NMBR: variants seen among roughly 807,000 people sequenced by gnomAD.
NMBR encodes neuromedin B receptor.
Under a neutral mutation model 20.5 loss-of-function variants are expected in NMBR, and 16 were observed. The ratio of observed to expected loss-of-function variants is 0.78; its 90% CI spans 0.53 to 1.19. NMBR has a LOEUF of 1.19. NMBR is among the 50% of genes most tolerant of loss of function. The probability of loss-of-function intolerance (pLI) is 0.00; values close to 1 mark genes in which losing one functional copy is unlikely to be tolerated. For synonymous variants in NMBR, 212 were observed against 196.6 expected, an observed-to-expected ratio of 1.08 and a Z score of -0.65; for missense variants, 582 against 499.1, an observed-to-expected ratio of 1.17 and a Z score of -1.58.
chr6:142,118,687 C>T (rs367905036), intron 1 of NMBR, among the ~76,000 whole-genome samples: 43 of 151,988 alleles, frequency 2.8e-4, no homozygotes, highest in South Asian at 2.1e-4. Context: ...CTTGTTAAGA[C>T]GATAGAAGGT....
intron 1 of NMBR, among the ~76,000 whole-genome samples, chr6:142,133,484 A>G (rs1429164096): frequency 1.3e-5 from 2 of 152,216 alleles, no homozygotes; most frequent in Non-Finnish European, 2.9e-5. Flanking sequence ...TTGTTAAGAT[A>G]GTGTACGGAC....
chr6:142,107,519 T>G (rs1777682852), intron 1 of NMBR, among the ~76,000 whole-genome samples: 1 of 152,194 alleles, frequency 6.6e-6, no homozygotes, highest in South Asian at 2.1e-4. Context: ...GGCTTCACCC[T>G]CTGAGTAGTG....
intron 1 of NMBR, among the ~76,000 whole-genome samples, chr6:142,103,854 C>A (rs1266691682): frequency 6.6e-6 from 1 of 152,108 alleles, no homozygotes; most frequent in Admixed American, 6.6e-5. Context: ...ATTAATCAAT[C>A]TTTTCATTAA....
intron 1 of NMBR, among the ~76,000 whole-genome samples, chr6:142,109,476 CTTTTT>C (rs77684305): frequency 1.8e-5 from 2 of 108,292 alleles, no homozygotes; most frequent in Admixed American, 9.6e-5. Flanking sequence ...TTGGGTATGT[CTTTTT>C]TTTTTTTTTT....
chr6:142,086,822 G>A (rs529350352), intron 2 of NMBR, among the ~76,000 whole-genome samples: 1 of 152,124 alleles, frequency 6.6e-6, no homozygotes, highest in Non-Finnish European at 1.5e-5. Flanking sequence ...CCAACCCTGG[G>A]TCTTGCTACC....
At chr6:142,141,034 T>C (rs975425155) in intron 1 of NMBR, among the ~76,000 whole-genome samples, 1 of 152,076 alleles carries the variant, frequency 6.6e-6, no homozygotes, top group Admixed American at 6.6e-5. Context: ...AAATAGAATA[T>C]CAAAAAGGAT....
At chr6:142,139,027 T>G (rs1778319832) in intron 1 of NMBR, among the ~76,000 whole-genome samples, 1 of 152,216 alleles carries the variant, frequency 6.6e-6, no homozygotes, top group Non-Finnish European at 1.5e-5. Context: ...TTGGAAATAC[T>G]ATCCTTTCAC....
intron 2 of NMBR, among the ~76,000 whole-genome samples, chr6:142,080,859 AG>A (rs1447856366): frequency 4.6e-5 from 7 of 152,286 alleles, no homozygotes; most frequent in African/African-American, 1.7e-4. Context: ...AAAACCACAA[AG>A]GGTATTCTGA....
intron 1 of NMBR, among the ~76,000 whole-genome samples, chr6:142,115,630 C>T (rs567544163): frequency 1.1e-3 from 165 of 152,072 alleles, no homozygotes; most frequent in African/African-American, 3.8e-3. Context: ...CTGAACTACA[C>T]TAGTGTAGAA....
chr6:142,086,184 C>A (rs564288855), intron 2 of NMBR, among the ~76,000 whole-genome samples: 2 of 151,984 alleles, frequency 1.3e-5, no homozygotes, highest in African/African-American at 4.8e-5. Context: ...CATGTTGGCA[C>A]CATCAGTGGC....
At chr6:142,106,956 A>T (rs1307088591) in intron 1 of NMBR, among the ~76,000 whole-genome samples, 2 of 152,212 alleles carry the variant, frequency 1.3e-5, no homozygotes, top group East Asian at 3.8e-4. Context: ...ATAGAAGTAA[A>T]TTTCTTTTAC....
At chr6:142,145,622 G>T (rs1032506990) in intron 1 of NMBR, among the ~76,000 whole-genome samples, 1 of 152,156 alleles carries the variant, frequency 6.6e-6, no homozygotes, top group African/African-American at 2.4e-5. Flanking sequence ...ACTTTAAGTT[G>T]TGGTAGAGGC....
intron 1 of NMBR, among the ~76,000 whole-genome samples, chr6:142,104,116 T>C (rs1777614155): frequency 6.6e-6 from 1 of 152,146 alleles, no homozygotes; most frequent in African/African-American, 2.4e-5. Flanking sequence ...GGCCTTAAGG[T>C]ATTCTCCTGT....
At chr6:142,085,571 C>T (rs1032147074) in intron 2 of NMBR, among the ~76,000 whole-genome samples, 1 of 152,124 alleles carries the variant, frequency 6.6e-6, no homozygotes, top group Admixed American at 6.5e-5. Context: ...GTCATCTGAC[C>T]ACCCTTTGGC....
chr6:142,104,842 A>G (rs1223321122), intron 1 of NMBR, among the ~76,000 whole-genome samples: 1 of 152,232 alleles, frequency 6.6e-6, no homozygotes, highest in Admixed American at 6.5e-5. Flanking sequence ...TGTGTGAGTA[A>G]TAAAGCTTTT....
At chr6:142,129,946 G>A (rs1224713629) in intron 1 of NMBR, among the ~76,000 whole-genome samples, 2 of 152,042 alleles carry the variant, frequency 1.3e-5, no homozygotes, top group Admixed American at 1.3e-4. Flanking sequence ...GTGATCTTAG[G>A]TACTGTGTGC....
At chr6:142,123,088 T>C (rs937506585) in intron 1 of NMBR, among the ~76,000 whole-genome samples, 1 of 151,972 alleles carries the variant, frequency 6.6e-6, no homozygotes, top group Non-Finnish European at 1.5e-5. Flanking sequence ...TGGAAAGAAT[T>C]CATCATTCTA....
intron 2 of NMBR, among the ~76,000 whole-genome samples, chr6:142,082,182 T>A (rs1303494474): frequency 1.3e-5 from 2 of 152,202 alleles, no homozygotes; most frequent in African/African-American, 4.8e-5. Context: ...TTATTAAACT[T>A]TCATTTTTCA....
chr6:142,077,029 G>A (rs1053493824), intron 3 of NMBR, among the ~76,000 whole-genome samples: 4 of 152,200 alleles, frequency 2.6e-5, no homozygotes, highest in African/African-American at 9.6e-5. Flanking sequence ...GAAGCAGAAT[G>A]TGATGTTCCA....
Sources: gnomAD v4.1 joint callset for allele counts (sites outside exome capture counted in the v4.1 genomes callset) on GRCh38, gnomAD v4.1.1 for gene constraint, MANE v1.5 for transcripts, NCBI Gene and HGNC (gene_info 2026-07-23, HGNC 2026-07-21) for gene names.